HNRNPUL1: variants seen among roughly 807,000 people sequenced by gnomAD.
HNRNPUL1 encodes heterogeneous nuclear ribonucleoprotein U like 1.
A neutral mutation model predicts 108.5 loss-of-function variants in HNRNPUL1; 14 were observed. The ratio of observed to expected loss-of-function variants is 0.13; its 90% CI spans 0.09 to 0.20. The LOEUF (loss-of-function observed/expected upper bound fraction) is 0.20, where lower values mean the gene tolerates loss of function less well. Ranked by LOEUF, HNRNPUL1 falls within the 10% of genes least tolerant of loss-of-function variation. HNRNPUL1 has a pLI of 1.00. For synonymous variants in HNRNPUL1, 422 were observed against 445.2 expected, an observed-to-expected ratio of 0.95 and a Z score of 0.66; for missense variants, 804 against 1,168.3, an observed-to-expected ratio of 0.69 and a Z score of 4.55.
chr19:41,267,839 G>T (rs143408007), intron 1 of HNRNPUL1, among the ~76,000 whole-genome samples: 2 of 152,194 alleles, frequency 1.3e-5, no homozygotes, highest in African/African-American at 4.8e-5. Context: ...GCTTTCACAC[G>T]TGTTATCCCA....
rs778235048 is a variant in HNRNPUL1 at position 41,302,542 on chromosome 19, A to G, written c.1688-123A>G. 14 of 1,238,834 alleles carry G rather than the reference A, an allele frequency of 1.1e-5. No homozygotes were observed. The Admixed American group carries it at 2.1e-4, about 18-fold the overall frequency. 76.7% of individuals were successfully genotyped at this position (1,238,834 alleles called of 1,614,324 possible). ...CCTTCTGTCTATGTCTTTCTTATTC[A>G]CTATTCCAGTTTTCTTCACCTTCTC... is the stretch of plus-strand genomic sequence containing the variant. On this transcript the variant is annotated intron_variant, in intron 11 of 14. Coordinates refer to ENST00000392006, the MANE Select transcript of HNRNPUL1 (RefSeq NM_007040.6).
chr19:41,301,073 T>C (rs958661298), intron 10 of HNRNPUL1, among the ~76,000 whole-genome samples: 1 of 152,210 alleles, frequency 6.6e-6, no homozygotes, highest in Non-Finnish European at 1.5e-5. Context: ...ACAATTCTTT[T>C]TGTGTAAAAA....
At chr19:41,286,408 T>C (rs983840440) in intron 7 of HNRNPUL1, 8 of 152,236 alleles carry the variant, frequency 5.3e-5, no homozygotes, top group Admixed American at 2.0e-4. Flanking sequence ...CTGTATTCCT[T>C]CTTTTCTTTT....
intron 7 of HNRNPUL1, among the ~76,000 whole-genome samples, chr19:41,284,956 A>G (rs2036132546): frequency 6.7e-6 from 1 of 150,156 alleles, no homozygotes; most frequent in African/African-American, 2.5e-5. Context: ...CGATTGCGCC[A>G]CTGTACTCCC....
At chr19:41,271,319 C>T (rs1324414553) in intron 2 of HNRNPUL1, among the ~76,000 whole-genome samples, 1 of 152,214 alleles carries the variant, frequency 6.6e-6, no homozygotes, top group Non-Finnish European at 1.5e-5. Flanking sequence ...CACAGACATT[C>T]ATCAGGAGCC....
chr19:41,301,909 G>A (rs1057131230), intron 11 of HNRNPUL1, among the ~76,000 whole-genome samples: 3 of 152,212 alleles, frequency 2.0e-5, no homozygotes, highest in Non-Finnish European at 4.4e-5. Context: ...TTTCAGGCTG[G>A]ATGGGGCTGG....
At position 41,281,050 on chromosome 19, in the gene HNRNPUL1, T is replaced by C; in HGVS notation, c.887-113T>C. The C allele has an allele frequency of 4.3e-6, 3 of 699,838 alleles. No individual in the cohort carries two copies. In the East Asian group the frequency reaches 8.1e-5, roughly 19 times the overall value. 43.4% of individuals were successfully genotyped at this position (699,838 alleles called of 1,614,324 possible). ...CTATTTTAAAAAGGCATCTGATTAA[T>C]AAAACTAGTAAAGAAAATGATTTTT... On this transcript the variant is annotated intron_variant, in intron 6 of 14. Coordinates refer to ENST00000392006, the MANE Select transcript of HNRNPUL1 (RefSeq NM_007040.6).
At chr19:41,287,823 G>T (rs1309132846) in intron 7 of HNRNPUL1, among the ~76,000 whole-genome samples, 1 of 152,060 alleles carries the variant, frequency 6.6e-6, no homozygotes, top group Non-Finnish European at 1.5e-5. Context: ...GCCTCCCAAA[G>T]TGCTGGGATT....
At chr19:41,300,392 G>A (rs2037136179) in intron 10 of HNRNPUL1, among the ~76,000 whole-genome samples, 1 of 150,230 alleles carries the variant, frequency 6.7e-6, no homozygotes, top group South Asian at 2.1e-4. Flanking sequence ...CTTCTTTCTT[G>A]GGTCCCTATT....
intron 6 of HNRNPUL1, 112 bp from the exon 7 acceptor site, chr19:41,281,051 A>G: frequency 1.4e-6 from 1 of 705,322 alleles, no homozygotes; most frequent in Non-Finnish European, 2.5e-6. Context: ...TCTGATTAAT[A>G]AAACTAGTAA....
chr19:41,290,397 GT>G (rs1402910244), intron 7 of HNRNPUL1, among the ~76,000 whole-genome samples: 1 of 152,198 alleles, frequency 6.6e-6, no homozygotes, highest in Non-Finnish European at 1.5e-5. Context: ...CCAAAACACA[GT>G]TTTGAGCAGG....
At chr19:41,288,055 T>C (rs2036347044) in intron 7 of HNRNPUL1, among the ~76,000 whole-genome samples, 1 of 152,054 alleles carries the variant, frequency 6.6e-6, no homozygotes, top group South Asian at 2.1e-4. Flanking sequence ...AATTGATTTT[T>C]TCAAGAATAG....
intron 2 of HNRNPUL1, 128 bp from the exon 3 acceptor site, chr19:41,271,954 G>C: frequency 9.7e-7 from 1 of 1,034,336 alleles, no homozygotes; most frequent in Non-Finnish European, 1.4e-6. Context: ...TCAGCAAGCT[G>C]CCTGTGCCCA....
chr19:41,278,879 C>T (rs1279408675), intron 5 of HNRNPUL1, among the ~76,000 whole-genome samples, 198 bp from the exon 6 acceptor site: 1 of 152,168 alleles, frequency 6.6e-6, no homozygotes, highest in East Asian at 1.9e-4. Context: ...TCTCTGTGGC[C>T]CTGTACTCTA....
intron 7 of HNRNPUL1, among the ~76,000 whole-genome samples, chr19:41,288,953 C>T (rs1469142865): frequency 1.3e-5 from 2 of 152,082 alleles, no homozygotes; most frequent in African/African-American, 4.8e-5. Flanking sequence ...ATTTTGCATT[C>T]TTGTGGGAAT....
At chr19:41,274,884 A>G (rs138761087) in intron 4 of HNRNPUL1, among the ~76,000 whole-genome samples, 19 of 152,378 alleles carry the variant, frequency 1.2e-4, no homozygotes, top group Non-Finnish European at 1.8e-4. Flanking sequence ...TACCCAGAGT[A>G]GAGGTAAACA....
At chr19:41,269,072 T>C (rs1262034243) in intron 2 of HNRNPUL1, among the ~76,000 whole-genome samples, 1 of 151,960 alleles carries the variant, frequency 6.6e-6, no homozygotes, top group African/African-American at 2.4e-5. Flanking sequence ...GTCTGGAAAC[T>C]GTAGCATGTG....
Position 41,306,654 on chromosome 19 carries a change from G to T in HNRNPUL1, c.*89G>T. 1.3e-6 allele frequency: 1 copy of T among 778,242 alleles called. No individual in the cohort carries two copies. Among genetic ancestry groups the T allele is most frequent in the Admixed American group, 3.2e-5 (1 of 31,498 alleles). The allele number at this position is 778,242 out of a possible 1,614,324, so 48.2% of individuals were successfully genotyped here. ...CCCTCCTCTGCCCCCGCCAGATCCC[G>T]TGGTGCTGGGGATGGGGTCATCCCA... On this transcript the variant is annotated 3_prime_UTR_variant, in exon 15 of 15. Coordinates refer to ENST00000392006, the MANE Select transcript of HNRNPUL1 (RefSeq NM_007040.6).
intron 1 of HNRNPUL1, chr19:41,265,128 C>T: frequency 1.4e-6 from 2 of 1,413,602 alleles, no homozygotes; most frequent in Non-Finnish European, 1.8e-6. Flanking sequence ...AGAGGTTTTC[C>T]GTTTGGGTTG....
Sources: gnomAD v4.1 joint callset for allele counts (sites outside exome capture counted in the v4.1 genomes callset) on GRCh38, gnomAD v4.1.1 for gene constraint, MANE v1.5 for transcripts, NCBI Gene and HGNC (gene_info 2026-07-23, HGNC 2026-07-21) for gene names.